The following UQCC1 variants were observed in gnomAD, a reference collection of about 807,000 sequenced individuals.
UQCC1 encodes the protein ubiquinol-cytochrome c reductase complex assembly factor 1, also known as bFGF-repressed Zic-binding protein.
In UQCC1, 38 loss-of-function variants were observed where a neutral mutation model predicts 48.0. The ratio of observed to expected loss-of-function variants is 0.79; its 90% CI spans 0.61 to 1.04. The LOEUF is 1.04. UQCC1 is among the 50% of genes least tolerant of loss of function. The probability of loss-of-function intolerance (pLI) is 0.00; values close to 1 mark genes in which losing one functional copy is unlikely to be tolerated. For missense variants in UQCC1, 368 were observed against 381.8 expected (o/e 0.96, Z 0.30); for synonymous variants, 111 against 129.2 (o/e 0.86, Z 0.95).
At chr20:35,399,408 C>A (rs2062127049) in intron 1 of UQCC1, among the ~76,000 whole-genome samples, 1 of 152,172 alleles carries the variant, frequency 6.6e-6, no homozygotes, top group Admixed American at 6.5e-5. Context: ...ACTCATAATA[C>A]TTACTGTGTT....
At chr20:35,390,646 A>C (rs2062003065) in intron 2 of UQCC1, among the ~76,000 whole-genome samples, 1 of 152,138 alleles carries the variant, frequency 6.6e-6, no homozygotes, top group Non-Finnish European at 1.5e-5. Context: ...GACTGCTAAA[A>C]TTAGTAAGCA....
intron 7 of UQCC1, among the ~76,000 whole-genome samples, chr20:35,341,344 G>C (rs2061376752): frequency 6.6e-6 from 1 of 152,042 alleles, no homozygotes; most frequent in Non-Finnish European, 1.5e-5. Context: ...TGGGAAAAAG[G>C]AACTGAACAG....
chr20:35,364,843 C>T lies in UQCC1; in HGVS notation c.464+1714G>A, dbSNP rs898829815. ...GATTATATATTTTATTTTATTTTGCCATCCACTCCCTCTAACACTGATACC... is the reference window on the plus strand; with the variant it reads ...GATTATATATTTTATTTTATTTTGCTATCCACTCCCTCTAACACTGATACC... On this transcript the variant is annotated intron_variant, in intron 6 of 9. Coordinates refer to ENST00000374385, the MANE Select transcript of UQCC1 (RefSeq NM_018244.5). 5.3e-5 allele frequency among the ~76,000 whole-genome samples: 8 copies of T among 152,054 alleles called. No individual in the cohort carries two copies. In the South Asian group the frequency reaches 6.2e-4, roughly 12 times the overall value.
At chr20:35,377,085 C>T (rs752188289) in intron 4 of UQCC1, among the ~76,000 whole-genome samples, 2 of 152,034 alleles carry the variant, frequency 1.3e-5, no homozygotes, top group Non-Finnish European at 2.9e-5. Flanking sequence ...CAACCTTATC[C>T]TGATATCAAA....
At chr20:35,318,056 C>T (rs1008242992) in intron 7 of UQCC1, among the ~76,000 whole-genome samples, 4 of 152,180 alleles carry the variant, frequency 2.6e-5, no homozygotes, top group Non-Finnish European at 5.9e-5. Context: ...ATGAGTTGTT[C>T]TCCTAATTGT....
In UQCC1 at chr20:35,321,252, CTGTGTGTGTGTG is replaced by C. The variant is rs58532328; in HGVS notation, c.574-6499_574-6488del. On this transcript the variant is annotated intron_variant, in intron 7 of 9. Transcript: ENST00000374385. ...CAATGATGACAAAATACAAACAAAA[CTGTGTGTGTGTG>C]TGTGTGTGTGTGTGTGTGTGCGCGC... 4.0e-3 allele frequency among the ~76,000 whole-genome samples: 589 copies of C among 147,316 alleles called. 7 individuals are homozygous for C. The highest frequency in any genetic ancestry group is 0.013 in the African/African-American group (507 of 39,712).
chr20:35,345,273 C>G (rs2061420148), intron 7 of UQCC1: 1 of 152,284 alleles, frequency 6.6e-6, no homozygotes, highest in African/African-American at 2.4e-5. Flanking sequence ...CTGGAGCTTG[C>G]AATTGGTGTG....
At chr20:35,347,346 C>T in intron 6 of UQCC1, 74 bp from the exon 7 acceptor site, 1 of 1,576,430 alleles carries the variant, frequency 6.3e-7, no homozygotes. Context: ...TGAAGGTCTC[C>T]TCATCTAAGA....
rs11549289 is a variant in UQCC1, at chr20:35,384,056, C to T, written c.207G>A (p.Lys69=). 3.1e-6 allele frequency: 5 copies of T among 1,612,514 alleles called. No homozygotes were observed. The highest frequency in any genetic ancestry group is 3.3e-5 in the Admixed American group (2 of 59,984). ...IPGIDIQLNR[K]YHTTRKLSTT... ...TTCTCACCTTACGTGTGGTGTGATA[C>T]TTCCTATTCAGCTGTATGTCTATTC... Residue 69 remains lysine, a synonymous_variant, in exon 3 of 10, where the codon AAG becomes AAA. Transcript: ENST00000374385.
chr20:35,398,087 A>C (rs1363793272), intron 1 of UQCC1, among the ~76,000 whole-genome samples: 1 of 152,236 alleles, frequency 6.6e-6, no homozygotes, highest in African/African-American at 2.4e-5. Flanking sequence ...TAGTTCTAAC[A>C]GCAGGATTAA....
intron 8 of UQCC1, among the ~76,000 whole-genome samples, chr20:35,313,902 C>T (rs2061025077): frequency 6.6e-6 from 1 of 151,908 alleles, no homozygotes; most frequent in Admixed American, 6.6e-5. Flanking sequence ...GCCACTATGC[C>T]TGGCCAGGTC....
intron 1 of UQCC1, among the ~76,000 whole-genome samples, chr20:35,410,704 C>CAAAAAAAAAAAAA (rs1183843739): frequency 1.8e-3 from 5 of 2,708 alleles, no homozygotes; most frequent in African/African-American, 5.1e-3. Context: ...GACTCTGCCT[C>CAAAAAAAAAAAAA]AAAAAAAAAA....
intron 4 of UQCC1, among the ~76,000 whole-genome samples, chr20:35,381,375 T>A (rs539941533): frequency 1.1e-4 from 17 of 152,294 alleles, no homozygotes; most frequent in African/African-American, 3.8e-4. Flanking sequence ...GTCATCTATA[T>A]GGCATACCAT....
intron 2 of UQCC1, among the ~76,000 whole-genome samples, chr20:35,387,292 T>C (rs556975116): frequency 2.0e-5 from 3 of 151,112 alleles, no homozygotes; most frequent in South Asian, 4.2e-4. Context: ...TCTCAAAAAA[T>C]AAAAATAAAA....
intron 7 of UQCC1, among the ~76,000 whole-genome samples, chr20:35,334,679 T>A (rs2061296106): frequency 6.6e-6 from 1 of 152,216 alleles, no homozygotes. Context: ...CATCCTTGTA[T>A]CTCCAGTGCT....
At chr20:35,392,106 G>C in intron 2 of UQCC1, 1 of 609,162 alleles carries the variant, frequency 1.6e-6, no homozygotes, top group South Asian at 1.6e-5. Context: ...TCCTACCACT[G>C]CCTGAATATT....
chr20:35,328,048 G>C (rs1310723335), intron 7 of UQCC1, among the ~76,000 whole-genome samples: 1 of 150,196 alleles, frequency 6.7e-6, no homozygotes, highest in Non-Finnish European at 1.5e-5. Flanking sequence ...GACACAGCCT[G>C]TGAGTTCTGA....
intron 7 of UQCC1, among the ~76,000 whole-genome samples, chr20:35,325,022 A>C (rs185369037): frequency 6.6e-6 from 1 of 152,352 alleles, no homozygotes; most frequent in African/African-American, 2.4e-5. Flanking sequence ...TAAAATTTTG[A>C]TATATGCTAT....
intron 7 of UQCC1, among the ~76,000 whole-genome samples, chr20:35,334,956 A>G (rs1007792034): frequency 1.3e-5 from 2 of 152,228 alleles, no homozygotes; most frequent in African/African-American, 4.8e-5. Flanking sequence ...TTACCCGAAG[A>G]GTGGCCAGGC....
Sources: gnomAD v4.1 joint callset for allele counts (sites outside exome capture counted in the v4.1 genomes callset) on GRCh38, gnomAD v4.1.1 for gene constraint, MANE v1.5 for transcripts, NCBI Gene and HGNC (gene_info 2026-07-23, HGNC 2026-07-21) for gene names.